The following CCR5AS variants were observed in gnomAD, a reference collection of about 807,000 sequenced individuals.
CCR5AS encodes the protein CCR5 antisense RNA.
intron 1 of CCR5AS, among the ~76,000 whole-genome samples, chr3:46,403,532 C>T (rs1031412110): frequency 6.6e-6 from 1 of 152,186 alleles, no homozygotes; most frequent in Non-Finnish European, 1.5e-5. Context: ...CAGCCATAAC[C>T]TCTAAGCTAA....
chr3:46,378,782 G>A (rs1264478266), intron 2 of CCR5AS, among the ~76,000 whole-genome samples: 1 of 152,144 alleles, frequency 6.6e-6, no homozygotes, highest in East Asian at 1.9e-4. Flanking sequence ...GTTGATGCCT[G>A]TCGTGGAATG....
intron 1 of CCR5AS, among the ~76,000 whole-genome samples, chr3:46,401,984 G>A (rs1011467428): frequency 6.6e-6 from 1 of 152,026 alleles, no homozygotes; most frequent in Non-Finnish European, 1.5e-5. Context: ...GGATCATAAT[G>A]CCTATTAGTA....
intron 2 of CCR5AS, among the ~76,000 whole-genome samples, chr3:46,382,154 A>G (rs1311509777): frequency 1.3e-5 from 2 of 152,242 alleles, no homozygotes; most frequent in African/African-American, 4.8e-5. Flanking sequence ...AGGCATGTTC[A>G]ACATGGATTC....
intron 2 of CCR5AS, chr3:46,375,172 T>C (rs958964822): frequency 6.0e-5 from 10 of 167,034 alleles, no homozygotes; most frequent in African/African-American, 2.4e-4. Flanking sequence ...AGGCTGTCTT[T>C]CACTGAATGC....
intron 3 of CCR5AS, among the ~76,000 whole-genome samples, chr3:46,367,019 C>T (rs891623045): frequency 5.9e-5 from 9 of 151,894 alleles, no homozygotes; most frequent in African/African-American, 1.5e-4. Context: ...CTGTCAATGA[C>T]GGAGCTCTGT....
At chr3:46,367,601 C>T (rs1701612164) in intron 3 of CCR5AS, among the ~76,000 whole-genome samples, 1 of 152,166 alleles carries the variant, frequency 6.6e-6, no homozygotes, top group Non-Finnish European at 1.5e-5. Context: ...TGAGACACAG[C>T]TTGCTGTCAC....
chr3:46,398,240 GC>G (rs1287019712), intron 1 of CCR5AS, among the ~76,000 whole-genome samples: 10 of 152,124 alleles, frequency 6.6e-5, no homozygotes, highest in African/African-American at 2.4e-4. Flanking sequence ...GGCCATTGAT[GC>G]CCTCAATGTT....
intron 3 of CCR5AS, among the ~76,000 whole-genome samples, chr3:46,366,848 A>T (rs1455719182): frequency 6.6e-6 from 1 of 151,856 alleles, no homozygotes; most frequent in Non-Finnish European, 1.5e-5. Flanking sequence ...GATCAGGGGG[A>T]CTCCCTGGCT....
chr3:46,393,467 AAAAG>A (rs1484096510), intron 1 of CCR5AS, among the ~76,000 whole-genome samples: 3 of 145,684 alleles, frequency 2.1e-5, no homozygotes, highest in African/African-American at 7.7e-5. Flanking sequence ...CCACAAAAAA[AAAAG>A]AAAAGAAAAG....
intron 3 of CCR5AS, chr3:46,370,815 AAAG>A (rs1204130030): frequency 3.3e-5 from 5 of 152,346 alleles, no homozygotes; most frequent in South Asian, 2.1e-4. Flanking sequence ...CTCAACTTAA[AAAG>A]AAGAACTGTT....
At chr3:46,387,033 G>C (rs921014767) in intron 2 of CCR5AS, among the ~76,000 whole-genome samples, 10 of 152,100 alleles carry the variant, frequency 6.6e-5, no homozygotes, top group Non-Finnish European at 7.4e-5. Flanking sequence ...ATAAAATTGA[G>C]AGAGAGATAA....
chr3:46,387,176 T>C (rs1228496901), intron 2 of CCR5AS, among the ~76,000 whole-genome samples: 1 of 152,216 alleles, frequency 6.6e-6, no homozygotes, highest in East Asian at 1.9e-4. Flanking sequence ...AAGTGTGTAC[T>C]ACCCAAGATG....
rs1427999470 is a variant in CCR5AS, at chr3:46,370,910, C to T, written n.565+334G>A. On this transcript the variant is annotated intron_variant and non_coding_transcript_variant, in intron 3 of 3. Transcript: ENST00000451485. ...AGAAACAGCATTTCCTACTTTTATA[C>T]TGTCTATATGATTGATTTGCACAGC... The T allele has an allele frequency of 5.3e-5, 8 of 152,146 alleles. 1 individual carries two copies. Among genetic ancestry groups the T allele is most frequent in the Non-Finnish European group, 1.0e-4 (7 of 68,034 alleles). 9.4% of individuals were successfully genotyped at this position (152,146 alleles called of 1,614,324 possible).
intron 3 of CCR5AS, among the ~76,000 whole-genome samples, chr3:46,369,308 G>A (rs1038174704): frequency 2.6e-5 from 4 of 152,152 alleles, no homozygotes; most frequent in Admixed American, 2.6e-4. Flanking sequence ...CAGCATGACT[G>A]CAGTTCTTAA....
chr3:46,368,772 C>T (rs902340146), intron 3 of CCR5AS, among the ~76,000 whole-genome samples: 1 of 152,178 alleles, frequency 6.6e-6, no homozygotes, highest in Non-Finnish European at 1.5e-5. Flanking sequence ...TGTGTGACTC[C>T]GAGCCTGCTC....
At chr3:46,393,689 C>T (rs1363248976) in intron 1 of CCR5AS, among the ~76,000 whole-genome samples, 2 of 152,130 alleles carry the variant, frequency 1.3e-5, no homozygotes, top group African/African-American at 2.4e-5. Flanking sequence ...TAAGAGTATG[C>T]AGATAGGAGC....
intron 1 of CCR5AS, among the ~76,000 whole-genome samples, chr3:46,403,383 T>G (rs1390254880): frequency 6.6e-6 from 1 of 152,234 alleles, no homozygotes; most frequent in Non-Finnish European, 1.5e-5. Flanking sequence ...TAATGTTGTG[T>G]GTATCAATCA....
intron 3 of CCR5AS, among the ~76,000 whole-genome samples, chr3:46,369,879 G>A (rs568574805): frequency 4.9e-4 from 75 of 152,260 alleles, no homozygotes; most frequent in African/African-American, 1.7e-3. Context: ...TTGGGGGCAC[G>A]TAATTTTGCT....
At chr3:46,389,231 G>A (rs1347391508) in intron 2 of CCR5AS, among the ~76,000 whole-genome samples, 1 of 152,224 alleles carries the variant, frequency 6.6e-6, no homozygotes, top group Non-Finnish European at 1.5e-5. Flanking sequence ...AAGGGAAGTA[G>A]GGGTGAGTAC....
Sources: gnomAD v4.1 joint callset for allele counts (sites outside exome capture counted in the v4.1 genomes callset) on GRCh38, gnomAD v4.1.1 for gene constraint, MANE v1.5 for transcripts, NCBI Gene and HGNC (gene_info 2026-07-23, HGNC 2026-07-21) for gene names.